Variants in PSIP1 observed in about 807,000 individuals in gnomAD.
The protein encoded by PSIP1 is PC4 and SRSF1 interacting protein 1.
PSIP1 carries 19 observed loss-of-function variants against 74.7 expected under a neutral mutation model. That is an observed-to-expected ratio of 0.25 (90% confidence interval 0.18 to 0.37). The LOEUF is 0.37. Among genes scored for constraint, PSIP1 ranks in the 10% least tolerant of loss-of-function variants. The pLI, the probability that PSIP1 is intolerant of heterozygous loss-of-function variation, is 1.00. For missense variants in PSIP1, 601 were observed against 614.3 expected (o/e 0.98, Z 0.23); for synonymous variants, 222 against 195.3 (o/e 1.14, Z -1.14).
chr9:15,477,177 ATAGT>A (rs1216660962), intron 8 of PSIP1, among the ~76,000 whole-genome samples: 4 of 152,280 alleles, frequency 2.6e-5, no homozygotes, highest in South Asian at 2.1e-4. Flanking sequence ...TTTCACTATA[ATAGT>A]TAAAGTATGT....
intron 11 of PSIP1, 34 bp from the exon 12 acceptor site, chr9:15,469,370 G>GT: frequency 7.2e-7 from 1 of 1,398,112 alleles, no homozygotes; most frequent in South Asian, 1.3e-5. Context: ...ACAGTGAACA[G>GT]TTTTTCCAAA....
At position 15,468,486 on chromosome 9, in the gene PSIP1, C is replaced by T. The variant is rs566667808; in HGVS notation, c.1420+144G>A. On this transcript the variant is annotated intron_variant, in intron 14 of 15. Transcript: ENST00000380733. ...CACACTGCTCTAGTCCTTCAATAGGCCCATCAGATTTTCACCATTTTGCCT... is the reference window on the plus strand; with the variant it reads ...CACACTGCTCTAGTCCTTCAATAGGTCCATCAGATTTTCACCATTTTGCCT... 5.6e-6 allele frequency: 5 copies of T among 894,514 alleles called. No individual in the cohort carries two copies. The Admixed American group carries it at 8.5e-5, about 15-fold the overall frequency. The allele number at this position is 894,514 out of a possible 1,614,324, so 55.4% of individuals were successfully genotyped here.
At chr9:15,503,510 T>A (rs900976357) in intron 3 of PSIP1, among the ~76,000 whole-genome samples, 4 of 151,224 alleles carry the variant, frequency 2.6e-5, no homozygotes, top group Non-Finnish European at 5.9e-5. Flanking sequence ...ATAATAATAA[T>A]AAAAAATACA....
Position 15,469,278 on chromosome 9 carries a change from T to A in PSIP1, c.1092A>T (p.Lys364Asn). 6.4e-7 allele frequency: 1 copy of A among 1,558,582 alleles called. No homozygotes were observed. Among genetic ancestry groups the A allele is most frequent in the Non-Finnish European group, 8.7e-7 (1 of 1,142,924 alleles). ...GTTAAACACTTACAAGATTATCAATTTTGAGTGAATTTTTAATCTCAGCAT... is the reference window on the plus strand; with the variant it reads ...GTTAAACACTTACAAGATTATCAATATTGAGTGAATTTTTAATCTCAGCAT... ...RIHAEIKNSL[K>N]IDNLDVNRCI... The change falls in exon 12 of 16, where the codon AAA (lysine) becomes AAT (asparagine). Residue 364 changes from lysine to asparagine, a missense_variant. Physicochemically the swap from Lys to Asn is moderately conservative, Grantham distance 94. This residue lies in a region of PSIP1 where 538 missense variants were observed against 507.6 expected (regional missense o/e 1.06). Coordinates refer to ENST00000380733, the MANE Select transcript of PSIP1 (RefSeq NM_033222.5).
At chr9:15,492,688 G>A (rs925716215) in intron 3 of PSIP1, among the ~76,000 whole-genome samples, 12 of 152,180 alleles carry the variant, frequency 7.9e-5, no homozygotes, top group African/African-American at 1.7e-4. Flanking sequence ...CGAAGTCTTC[G>A]TCCCTGCAGC....
chr9:15,469,147 G>C, intron 12 of PSIP1, 89 bp from the exon 13 acceptor site: 1 of 1,390,432 alleles, frequency 7.2e-7, no homozygotes, highest in South Asian at 1.3e-5. Flanking sequence ...AAAAAAAGAG[G>C]TAGTGCAAAA....
intron 15 of PSIP1, among the ~76,000 whole-genome samples, chr9:15,466,106 A>G (rs113854975): frequency 0.04 from 6,133 of 152,272 alleles, 409 homozygotes; most frequent in African/African-American, 0.14. Flanking sequence ...ATGGCCGGGC[A>G]TGTTGGCTCA....
At chr9:15,467,768 G>GA (rs1310260476) in intron 14 of PSIP1, among the ~76,000 whole-genome samples, 1 of 152,170 alleles carries the variant, frequency 6.6e-6, no homozygotes, top group Non-Finnish European at 1.5e-5. Flanking sequence ...TAAAGTTAGT[G>GA]AAAAAAGTAG....
At chr9:15,466,896 C>A (rs1293044482) in intron 14 of PSIP1, 37 bp from the exon 15 acceptor site, 1 of 1,507,406 alleles carries the variant, frequency 6.6e-7, no homozygotes, top group Non-Finnish European at 9.2e-7. Flanking sequence ...TTTGTTAAAG[C>A]TTACAAAACA....
chr9:15,492,028 T>C (rs1351683584), intron 3 of PSIP1: 1 of 152,238 alleles, frequency 6.6e-6, no homozygotes. Context: ...AGGTGAGATT[T>C]GTGAGGGGAC....
At chr9:15,491,949 A>C (rs1424991998) in intron 3 of PSIP1, 1 of 151,782 alleles carries the variant, frequency 6.6e-6, no homozygotes, top group Non-Finnish European at 1.5e-5. Flanking sequence ...AACATGGGGG[A>C]AACCACCTCC....
intron 4 of PSIP1, among the ~76,000 whole-genome samples, chr9:15,488,795 G>T (rs1333711296): frequency 6.6e-6 from 1 of 152,052 alleles, no homozygotes; most frequent in African/African-American, 2.4e-5. Context: ...GCCGAGGCGG[G>T]CGGATCACAA....
intron 3 of PSIP1, among the ~76,000 whole-genome samples, chr9:15,503,986 C>T (rs978399690): frequency 1.3e-5 from 2 of 152,160 alleles, no homozygotes; most frequent in African/African-American, 4.8e-5. Context: ...ACCTCGTCAT[C>T]CGCCCGCTTC....
intron 2 of PSIP1, among the ~76,000 whole-genome samples, chr9:15,507,087 G>T (rs1445470797): frequency 6.6e-6 from 1 of 152,106 alleles, no homozygotes; most frequent in African/African-American, 2.4e-5. Flanking sequence ...ACAAATAACA[G>T]ACTAATGTAA....
intron 3 of PSIP1, among the ~76,000 whole-genome samples, chr9:15,492,759 C>T (rs1051875402): frequency 2.0e-5 from 3 of 152,194 alleles, no homozygotes; most frequent in African/African-American, 7.2e-5. Flanking sequence ...GCAGAGTTTC[C>T]CAAACCTCAA....
intron 5 of PSIP1, 98 bp downstream of exon 5, chr9:15,486,729 C>G: frequency 1.2e-6 from 1 of 826,540 alleles, no homozygotes; most frequent in Non-Finnish European, 2.0e-6. Flanking sequence ...TTTTGAAGTA[C>G]TTTAAAAATT....
intron 8 of PSIP1, 79 bp downstream of exon 8, chr9:15,478,398 A>C: frequency 1.8e-6 from 2 of 1,091,416 alleles, no homozygotes; most frequent in Non-Finnish European, 2.7e-6. Flanking sequence ...GAGAAAACTG[A>C]TAAAATCGCA....
intron 14 of PSIP1, chr9:15,468,427 G>T (rs763704803): frequency 3.9e-6 from 3 of 761,916 alleles, no homozygotes; most frequent in South Asian, 1.4e-5. Flanking sequence ...CTTAGAAGTC[G>T]AATATAAACT....
intron 14 of PSIP1, among the ~76,000 whole-genome samples, chr9:15,467,181 A>AC (rs1008936130): frequency 1.1e-4 from 16 of 152,224 alleles, no homozygotes; most frequent in African/African-American, 3.9e-4. Flanking sequence ...CAGGAATACT[A>AC]CAGGGTGTTG....
Sources: gnomAD v4.1 joint callset for allele counts (sites outside exome capture counted in the v4.1 genomes callset) on GRCh38, gnomAD v4.1.1 for gene constraint, gnomAD v4.1.1 regional missense constraint, MANE v1.5 for transcripts, NCBI Gene and HGNC (gene_info 2026-07-23, HGNC 2026-07-21) for gene names.